NFIB: variants seen among roughly 807,000 people sequenced by gnomAD.
The protein encoded by NFIB is nuclear factor 1 B-type.
A neutral mutation model predicts 61.5 loss-of-function variants in NFIB; 11 were observed. The observed-to-expected ratio is 0.18, with a 90% CI of 0.11 to 0.30. The LOEUF is 0.30. Ranked by LOEUF, NFIB falls within the 10% of genes least tolerant of loss-of-function variation. The pLI is 1.00. For synonymous variants in NFIB, 260 were observed against 216.5 expected (o/e 1.20, Z -1.76); for missense variants, 471 against 608.9 (o/e 0.77, Z 2.38).
chr9:14,429,623 A>C, the NFIB span, among the ~76,000 whole-genome samples: 1 of 152,188 alleles, frequency 6.6e-6, no homozygotes. Context: ...CAATTCTCGG[A>C]TCCTGTGGAT....
At chr9:14,153,524 A>T (rs998072595) in intron 4 of NFIB, among the ~76,000 whole-genome samples, 2 of 152,142 alleles carry the variant, frequency 1.3e-5, no homozygotes, top group African/African-American at 4.8e-5. Context: ...TCAGATTCTA[A>T]GGGTTAGAGG....
chr9:14,252,211 G>A (rs941137674), intron 2 of NFIB, among the ~76,000 whole-genome samples: 3 of 152,064 alleles, frequency 2.0e-5, no homozygotes, highest in Non-Finnish European at 4.4e-5. Context: ...AATAGCAAAC[G>A]GGCTGATATG....
chr9:14,365,930 C>G (rs1297717055), intron 1 of NFIB, among the ~76,000 whole-genome samples: 1 of 152,144 alleles, frequency 6.6e-6, no homozygotes, highest in African/African-American at 2.4e-5. Context: ...CTGCTGATGC[C>G]TGAGAGCCAG....
intron 10 of NFIB, among the ~76,000 whole-genome samples, chr9:14,096,839 C>G (rs868771888): frequency 3.9e-5 from 6 of 152,144 alleles, no homozygotes; most frequent in Admixed American, 6.6e-5. Flanking sequence ...ATTAGATTAT[C>G]TAATGGCATC....
chr9:14,391,260 T>G (rs1488191026), intron 1 of NFIB, among the ~76,000 whole-genome samples: 1 of 152,074 alleles, frequency 6.6e-6, no homozygotes, highest in East Asian at 1.9e-4. Context: ...CTTTATATGA[T>G]GTGATGGACA....
intron 2 of NFIB, among the ~76,000 whole-genome samples, chr9:14,198,192 C>A (rs550732805): frequency 6.6e-6 from 1 of 152,078 alleles, no homozygotes; most frequent in Non-Finnish European, 1.5e-5. Context: ...GGTTTCCCTT[C>A]CATAACAGAA....
chr9:14,427,897 C>T, the NFIB span, among the ~76,000 whole-genome samples: 2 of 123,480 alleles, frequency 1.6e-5, no homozygotes, highest in South Asian at 5.5e-4. Context: ...GCCACTTCTT[C>T]TAGAAAAGGT....
chr9:14,274,197 C>CA (rs1008713338), intron 2 of NFIB, among the ~76,000 whole-genome samples: 21 of 150,312 alleles, frequency 1.4e-4, no homozygotes, highest in African/African-American at 5.1e-4. Flanking sequence ...CCTAAGTGAT[C>CA]TTTTCTTCTC....
the NFIB span, among the ~76,000 whole-genome samples, chr9:14,490,983 T>C: frequency 6.6e-6 from 1 of 152,220 alleles, no homozygotes; most frequent in African/African-American, 2.4e-5. Flanking sequence ...CATATGTTCA[T>C]TGACTAAAGA....
intron 5 of NFIB, among the ~76,000 whole-genome samples, chr9:14,148,001 T>C (rs1402056439): frequency 1.3e-5 from 2 of 152,146 alleles, no homozygotes; most frequent in Non-Finnish European, 2.9e-5. Flanking sequence ...AAGGTGACTA[T>C]CCAGAACAAA....
chr9:14,527,005 T>C, the NFIB span, among the ~76,000 whole-genome samples: 4 of 152,300 alleles, frequency 2.6e-5, no homozygotes, highest in African/African-American at 9.6e-5. Flanking sequence ...ACATGTTACA[T>C]TATGCAGGCA....
At chr9:14,372,273 CCT>C (rs1359498004) in intron 1 of NFIB, among the ~76,000 whole-genome samples, 1 of 152,036 alleles carries the variant, frequency 6.6e-6, no homozygotes, top group African/African-American at 2.4e-5. Flanking sequence ...AGTTTGATTT[CCT>C]GGTACTAACC....
intron 2 of NFIB, among the ~76,000 whole-genome samples, chr9:14,238,153 C>T (rs1469661406): frequency 6.6e-6 from 1 of 151,970 alleles, no homozygotes; most frequent in Admixed American, 6.6e-5. Context: ...GGAGCAAGCC[C>T]TACCTACGAT....
At chr9:14,187,072 T>TGC (rs2047454706) in intron 2 of NFIB, among the ~76,000 whole-genome samples, 7 of 145,002 alleles carry the variant, frequency 4.8e-5, no homozygotes, top group Admixed American at 1.4e-4. Context: ...TGTGTGTGTG[T>TGC]GCCTGTGTCT....
chr9:14,266,898 A>G (rs1241902548), intron 2 of NFIB, among the ~76,000 whole-genome samples: 1 of 152,250 alleles, frequency 6.6e-6, no homozygotes, highest in Non-Finnish European at 1.5e-5. Context: ...TAATTAATCA[A>G]AAGTTTCAAT....
intron 3 of NFIB, among the ~76,000 whole-genome samples, chr9:14,171,468 G>C (rs1156836240): frequency 6.6e-6 from 1 of 152,154 alleles, no homozygotes; most frequent in Non-Finnish European, 1.5e-5. Context: ...ATTTTTTAAA[G>C]GTTTTTCCTC....
the NFIB span, among the ~76,000 whole-genome samples, chr9:14,505,590 C>T: frequency 6.6e-6 from 1 of 152,154 alleles, no homozygotes; most frequent in African/African-American, 2.4e-5. Context: ...ACCCCACTTA[C>T]TCCACCCCAT....
At chr9:14,282,141 T>C (rs2132442334) in intron 2 of NFIB, among the ~76,000 whole-genome samples, 1 of 152,300 alleles carries the variant, frequency 6.6e-6, no homozygotes, top group East Asian at 1.9e-4. Flanking sequence ...TTAAGTTACA[T>C]TATTTGGAGG....
At chr9:14,306,965 G>C (rs765602864) in intron 2 of NFIB, 24 bp downstream of exon 2, 1 of 1,610,296 alleles carries the variant, frequency 6.2e-7, no homozygotes, top group Non-Finnish European at 8.5e-7. Flanking sequence ...TGCCGTGCTA[G>C]AAAAAAGAAC....
Sources: gnomAD v4.1 joint callset for allele counts (sites outside exome capture counted in the v4.1 genomes callset) on GRCh38, gnomAD v4.1.1 for gene constraint, MANE v1.5 for transcripts, NCBI Gene and HGNC (gene_info 2026-07-23, HGNC 2026-07-21) for gene names.